Variants in FGD4 observed in about 807,000 individuals in gnomAD.
The protein encoded by FGD4 is FYVE, RhoGEF and PH domain containing 4.
FGD4 carries 42 observed loss-of-function variants against 102.0 expected under a neutral mutation model. That is an observed-to-expected ratio of 0.41 (90% CI 0.32 to 0.53). FGD4 has a LOEUF of 0.53. FGD4 is among the 20% of genes least tolerant of loss of function. The pLI, the probability that FGD4 is intolerant of heterozygous loss-of-function variation, is 0.21. For missense variants in FGD4, 902 were observed against 1,078.2 expected, an observed-to-expected ratio of 0.84 and a Z score of 2.29; for synonymous variants, 380 against 375.7, an observed-to-expected ratio of 1.01 and a Z score of -0.13.
chr12:32,433,935 G>A lies in FGD4; in HGVS notation c.166+33976G>A, dbSNP rs181521293. 3.5e-3 allele frequency among the ~76,000 whole-genome samples: 527 copies of A among 151,614 alleles called. 8 individuals are homozygous for A. Among genetic ancestry groups the A allele is most frequent in the African/African-American group, 0.012 (492 of 41,326 alleles). On this transcript the variant is annotated intron_variant, in intron 1 of 16. Coordinates refer to ENST00000534526, the MANE Select transcript of FGD4 (RefSeq NM_001370298.3). ...CAGTGGCGTGATCTTGGCTCACTGCGACCTCCGCCTTCTGGGTTCAAGCGA... is the reference window on the plus strand; with the variant it reads ...CAGTGGCGTGATCTTGGCTCACTGCAACCTCCGCCTTCTGGGTTCAAGCGA...
chr12:32,444,025 T>TC (rs201357978), intron 1 of FGD4, among the ~76,000 whole-genome samples: 5 of 135,452 alleles, frequency 3.7e-5, no homozygotes, highest in East Asian at 4.0e-4. Context: ...TGTTTTCTTT[T>TC]TTTTTTTTTT....
intron 15 of FGD4, among the ~76,000 whole-genome samples, chr12:32,635,811 G>A (rs1456774339): frequency 1.3e-5 from 2 of 151,794 alleles, no homozygotes; most frequent in South Asian, 2.1e-4. Flanking sequence ...TCAGGAGTTC[G>A]AGACCAGCCT....
At position 32,480,003 on chromosome 12, in the gene FGD4, G is replaced by A. The variant is rs114287442; in HGVS notation, c.166+80044G>A. ...ACAGGGTCCTTCCATGTTGCTCAGC[G>A]TGGTCTCAAAACTCCCAGGCTCAAG... On this transcript the variant is annotated intron_variant, in intron 1 of 16. Coordinates refer to ENST00000534526, the MANE Select transcript of FGD4 (RefSeq NM_001370298.3). 5.3e-3 allele frequency among the ~76,000 whole-genome samples: 799 copies of A among 151,566 alleles called. 12 individuals carry two copies. The highest frequency in any genetic ancestry group is 0.018 in the African/African-American group (755 of 41,296).
intron 1 of FGD4, among the ~76,000 whole-genome samples, chr12:32,402,105 T>G (rs1057300174): frequency 1.6e-4 from 23 of 146,292 alleles, no homozygotes; most frequent in Admixed American, 8.4e-4. Context: ...AGTTTCACCA[T>G]GTTGGCCAGG....
chr12:32,610,673 G>C (rs1212213973), intron 8 of FGD4, 103 bp from the exon 9 acceptor site: 2 of 1,008,902 alleles, frequency 2.0e-6, no homozygotes, highest in South Asian at 1.4e-5. Context: ...TATTTTTGTT[G>C]TATCTTTGGT....
At chr12:32,599,534 CT>C (rs764106230) in intron 5 of FGD4, among the ~76,000 whole-genome samples, 4 of 35,356 alleles carry the variant, frequency 1.1e-4, no homozygotes, top group African/African-American at 3.8e-4. Flanking sequence ...ACTAAGGCAT[CT>C]TTTTTTTTTT....
chr12:32,616,043 A>C (rs1261554090), intron 10 of FGD4, among the ~76,000 whole-genome samples: 1 of 152,116 alleles, frequency 6.6e-6, no homozygotes, highest in Non-Finnish European at 1.5e-5. Context: ...AAAAATACTT[A>C]ATAAAAAGAC....
intron 11 of FGD4, among the ~76,000 whole-genome samples, chr12:32,621,807 A>G (rs1220352643): frequency 6.6e-6 from 1 of 152,080 alleles, no homozygotes; most frequent in Admixed American, 6.5e-5. Context: ...GGCAGAATAT[A>G]TGATGCTCTG....
chr12:32,541,693 CA>C (rs1271961300), intron 1 of FGD4, among the ~76,000 whole-genome samples: 2 of 152,042 alleles, frequency 1.3e-5, no homozygotes, highest in Non-Finnish European at 2.9e-5. Context: ...AAGAGAATAT[CA>C]AAATAAAGAG....
chr12:32,408,409 C>A (rs1166875666), intron 1 of FGD4, among the ~76,000 whole-genome samples: 1 of 152,100 alleles, frequency 6.6e-6, no homozygotes, highest in Non-Finnish European at 1.5e-5. Context: ...TCAGGTGATC[C>A]GCCCACCACG....
Position 32,619,697 on chromosome 12 carries a change from G to C in FGD4, c.1750-1G>C. On this transcript the variant is annotated splice_acceptor_variant, in intron 10 of 16. Coordinates refer to ENST00000534526, the MANE Select transcript of FGD4 (RefSeq NM_001370298.3). LOFTEE classifies it high-confidence loss of function. The stretch of plus-strand genomic sequence containing the variant: ...CTGATATATGTTCTCGTTCCTTGCA[G>C]TTCAACAACATGTTGCTGTACTGTG... 6.2e-7 allele frequency: 1 copy of C among 1,614,092 alleles called. No homozygotes were observed. The highest frequency in any genetic ancestry group is 8.5e-7 in the Non-Finnish European group (1 of 1,180,010).
intron 7 of FGD4, among the ~76,000 whole-genome samples, chr12:32,605,967 T>G (rs537418542): frequency 2.0e-5 from 3 of 152,228 alleles, no homozygotes; most frequent in Non-Finnish European, 4.4e-5. Context: ...CTCTATATTA[T>G]GATGAAATGA....
intron 1 of FGD4, among the ~76,000 whole-genome samples, chr12:32,453,195 A>C (rs1032820824): frequency 1.1e-4 from 4 of 36,228 alleles, no homozygotes; most frequent in African/African-American, 1.9e-4. Flanking sequence ...TATTTTATAT[A>C]TATATTATAT....
chr12:32,470,390 T>C (rs969967367), intron 1 of FGD4, among the ~76,000 whole-genome samples: 3 of 152,136 alleles, frequency 2.0e-5, no homozygotes, highest in African/African-American at 7.2e-5. Context: ...TATTCTCTCG[T>C]TGCCATGACA....
At chr12:32,507,904 T>C (rs10506090) in intron 1 of FGD4, among the ~76,000 whole-genome samples, 36,817 of 152,162 alleles carry the variant, frequency 0.24, 5,349 homozygotes, top group Middle Eastern at 0.44. Flanking sequence ...TGTTGAAATA[T>C]TTGCTACTCT....
In FGD4 at chr12:32,502,231, C is replaced by T. The variant is rs1016506854; in HGVS notation, c.167-61906C>T. The T allele has an allele frequency of 1.3e-5, 13 of 985,254 alleles. No homozygotes were observed. In the African/African-American group the frequency reaches 1.7e-4, roughly 13 times the overall value. 61.0% of individuals were successfully genotyped at this position (985,254 alleles called of 1,614,324 possible). ...CTGGGTGAGATTATCTGCAATGGAC[C>T]GGGTTAATGGGAGGCTTGCTTTGGC... On this transcript the variant is annotated intron_variant, in intron 1 of 16. Coordinates refer to ENST00000534526, the MANE Select transcript of FGD4 (RefSeq NM_001370298.3).
rs1174971407 is a variant in FGD4, at chr12:32,399,733, GGGCCGCTC to G, written c.-59_-52del. On this transcript the variant is annotated 5_prime_UTR_variant, in exon 1 of 17. Coordinates refer to ENST00000534526, the MANE Select transcript of FGD4 (RefSeq NM_001370298.3). Reference sequence around the variant, plus strand: ...TGGGCATGCAGGCGACGCCCCCCAGGGGCCGCTCGCGGCTGGACGGGAGCGGGAGGAGT... The same window carrying G: ...TGGGCATGCAGGCGACGCCCCCCAGGGCGGCTGGACGGGAGCGGGAGGAGT... The G allele has an allele frequency of 3.0e-5, 45 of 1,512,290 alleles. No homozygotes were observed. Among genetic ancestry groups the G allele is most frequent in the Admixed American group, 1.2e-4 (6 of 49,380 alleles). 93.7% of individuals were successfully genotyped at this position (1,512,290 alleles called of 1,614,324 possible).
chr12:32,429,557 G>A (rs1319864794), intron 1 of FGD4, among the ~76,000 whole-genome samples: 2 of 152,244 alleles, frequency 1.3e-5, no homozygotes, highest in South Asian at 2.1e-4. Context: ...CAAGCGCTTT[G>A]CTGGGAGATC....
At chr12:32,444,831 C>A (rs1036856502) in intron 1 of FGD4, among the ~76,000 whole-genome samples, 49 of 152,248 alleles carry the variant, frequency 3.2e-4, no homozygotes, top group African/African-American at 1.1e-3. Flanking sequence ...GATTTGCCAA[C>A]CTTTAAGTAG....
Sources: allele counts gnomAD v4.1 joint callset (sites outside exome capture counted in the v4.1 genomes callset), GRCh38; gene constraint gnomAD v4.1.1; transcripts MANE v1.5; gene names NCBI Gene and HGNC (gene_info 2026-07-23, HGNC 2026-07-21).